Variants in SENP6 observed in about 807,000 individuals in gnomAD.
SENP6 encodes the protein SUMO specific peptidase 6.
In SENP6, 41 loss-of-function variants were observed where a neutral mutation model predicts 134.5. The ratio of observed to expected loss-of-function variants is 0.30; its 90% CI spans 0.24 to 0.40. The LOEUF is 0.40. Among genes scored for constraint, SENP6 ranks in the 10% least tolerant of loss-of-function variants. The probability of loss-of-function intolerance (pLI) is 1.00; values close to 1 mark genes in which losing one functional copy is unlikely to be tolerated. For synonymous variants in SENP6, 395 were observed against 429.8 expected, an observed-to-expected ratio of 0.92 and a Z score of 1.00; for missense variants, 1,248 against 1,312.5, an observed-to-expected ratio of 0.95 and a Z score of 0.76.
At chr6:75,673,345 C>T (rs185757134) in intron 11 of SENP6, among the ~76,000 whole-genome samples, 24 of 108,508 alleles carry the variant, frequency 2.2e-4, no homozygotes, top group African/African-American at 6.5e-4. Flanking sequence ...TTTTTGAGAC[C>T]GAGTCTCACT....
intron 10 of SENP6, among the ~76,000 whole-genome samples, chr6:75,669,300 G>T (rs1284113545): frequency 6.6e-6 from 1 of 152,106 alleles, no homozygotes; most frequent in African/African-American, 2.4e-5. Context: ...AGGTTGCGGT[G>T]AGCTGAGATC....
At chr6:75,669,194 A>G (rs954022436) in intron 10 of SENP6, among the ~76,000 whole-genome samples, 1 of 152,096 alleles carries the variant, frequency 6.6e-6, no homozygotes, top group Non-Finnish European at 1.5e-5. Flanking sequence ...TACTAAAAAT[A>G]CAAAAAAATT....
intron 16 of SENP6, among the ~76,000 whole-genome samples, chr6:75,690,794 C>G (rs563249803): frequency 3.3e-5 from 5 of 151,666 alleles, no homozygotes; most frequent in Non-Finnish European, 2.9e-5. Flanking sequence ...CTCACGGGTT[C>G]ATGCCATTCT....
In SENP6 at chr6:75,672,418, AT is replaced by A. The variant is rs1322602491; in HGVS notation, c.1392+1699del. Among the ~76,000 whole-genome samples the A allele has an allele frequency of 2.6e-3, 396 of 152,348 alleles. 4 individuals carry two copies. Among genetic ancestry groups the A allele is most frequent in the African/African-American group, 9.1e-3 (380 of 41,564 alleles). Reference sequence around the variant, plus strand: ...AAACTTTGTAAATTTAGTTAAAAAAATAAAAGGCAGTATATGTAACATAAAA... The same window carrying A: ...AAACTTTGTAAATTTAGTTAAAAAAAAAAAGGCAGTATATGTAACATAAAA... On this transcript the variant is annotated intron_variant, in intron 11 of 23. Transcript: ENST00000447266.
Position 75,654,556 on chromosome 6 carries a change from T to C in SENP6, c.551-4706T>C, listed in dbSNP as rs6936005. ...TGAGAATGTGATAGATACATGACTT[T>C]AGTTTTATTTTACACTGAAAATCAG... On this transcript the variant is annotated intron_variant, in intron 7 of 23. Transcript: ENST00000447266. 7.2e-3 allele frequency among the ~76,000 whole-genome samples: 1,103 copies of C among 152,358 alleles called. 9 individuals carry two copies. The highest frequency in any genetic ancestry group is 0.025 in the African/African-American group (1,060 of 41,594).
At chr6:75,648,693 G>A (rs973455517) in intron 7 of SENP6, among the ~76,000 whole-genome samples, 2 of 152,118 alleles carry the variant, frequency 1.3e-5, no homozygotes, top group Non-Finnish European at 2.9e-5. Flanking sequence ...ATTAAGTTTA[G>A]TAATAGTGAC....
intron 3 of SENP6, among the ~76,000 whole-genome samples, chr6:75,631,809 G>A (rs1192186648): frequency 1.3e-5 from 2 of 152,162 alleles, no homozygotes; most frequent in East Asian, 3.8e-4. Context: ...CTGTATCAGT[G>A]TTTATTTTGT....
chr6:75,653,147 C>T (rs1415595599), intron 7 of SENP6, among the ~76,000 whole-genome samples: 4 of 152,202 alleles, frequency 2.6e-5, no homozygotes, highest in Non-Finnish European at 5.9e-5. Context: ...TTTCCTGCCT[C>T]ACCCTCCCGA....
chr6:75,678,523 C>A, intron 14 of SENP6, 60 bp from the exon 15 acceptor site: 1 of 824,486 alleles, frequency 1.2e-6, no homozygotes. Flanking sequence ...TTGTGCTTAC[C>A]CTTTTTATTG....
In SENP6 at chr6:75,717,233, T is replaced by C. The variant is rs1023297306; in HGVS notation, c.*1639T>C. 3 of 152,086 alleles carry C rather than the reference T, an allele frequency of 2.0e-5. No individual in the cohort carries two copies. The highest frequency in any genetic ancestry group is 4.4e-5 in the Non-Finnish European group (3 of 67,928). 9.4% of individuals were successfully genotyped at this position (152,086 alleles called of 1,614,324 possible). ...TGGGATAAAAAATTGAAGTTGTTTTTTTTAAAACCTAATAGCAATAAGCAA... is the reference window on the plus strand; with the variant it reads ...TGGGATAAAAAATTGAAGTTGTTTTCTTTAAAACCTAATAGCAATAAGCAA... On this transcript the variant is annotated 3_prime_UTR_variant, in exon 24 of 24. Coordinates refer to ENST00000447266, the MANE Select transcript of SENP6 (RefSeq NM_015571.4).
chr6:75,688,541 C>A (rs375413449), intron 16 of SENP6, among the ~76,000 whole-genome samples: 24 of 152,124 alleles, frequency 1.6e-4, no homozygotes, highest in African/African-American at 5.5e-4. Context: ...GCCACCCCAC[C>A]CCCCCGTCCA....
At chr6:75,650,271 AC>A (rs1242116773) in intron 7 of SENP6, among the ~76,000 whole-genome samples, 4 of 152,180 alleles carry the variant, frequency 2.6e-5, no homozygotes, top group Non-Finnish European at 5.9e-5. Flanking sequence ...GGTAGTGTTA[AC>A]CATGATCATT....
chr6:75,634,043 C>G (rs1769316562), intron 4 of SENP6, among the ~76,000 whole-genome samples: 1 of 152,148 alleles, frequency 6.6e-6, no homozygotes, highest in South Asian at 2.1e-4. Flanking sequence ...GTGGTCATGT[C>G]TCCTTTAGGA....
At chr6:75,629,642 A>C (rs1768960040) in intron 3 of SENP6, among the ~76,000 whole-genome samples, 1 of 152,212 alleles carries the variant, frequency 6.6e-6, no homozygotes, top group South Asian at 2.1e-4. Flanking sequence ...TAAAGCTACC[A>C]TGCTTGATAA....
chr6:75,660,319 T>C (rs1771674639), intron 8 of SENP6, among the ~76,000 whole-genome samples: 1 of 152,376 alleles, frequency 6.6e-6, no homozygotes, highest in South Asian at 2.1e-4. Flanking sequence ...TTCACTGCAA[T>C]GTCAGTTAAT....
chr6:75,647,562 A>T, intron 6 of SENP6, 169 bp from the exon 7 acceptor site: 1 of 377,440 alleles, frequency 2.6e-6, no homozygotes. Flanking sequence ...AATTTTACAA[A>T]TTGAGTTTCA....
intron 21 of SENP6, 22 bp downstream of exon 21, chr6:75,711,438 T>C (rs1441921719): frequency 8.8e-6 from 13 of 1,478,666 alleles, no homozygotes; most frequent in Non-Finnish European, 9.3e-6. Context: ...CTGTGTATCT[T>C]GAAAACTACA....
chr6:75,705,166 G>C lies in SENP6; in HGVS notation c.2716+2094G>C, dbSNP rs956102629. Among the ~76,000 whole-genome samples, 4 of 152,216 alleles carry C rather than the reference G, an allele frequency of 2.6e-5. No homozygotes were observed. In the South Asian group the frequency reaches 8.3e-4, roughly 32 times the overall value. ...GTTTTCAGTGGGAAGAGGAGCACTG[G>C]TCCAATCTTTGTTTGTTTAAATCTC... On this transcript the variant is annotated intron_variant, in intron 19 of 23. Transcript: ENST00000447266.
chr6:75,675,762 G>A (rs754999810), intron 12 of SENP6, 98 bp from the exon 13 acceptor site: 2 of 1,079,364 alleles, frequency 1.9e-6, no homozygotes, highest in South Asian at 2.9e-5. Flanking sequence ...ATAAATATGT[G>A]CTTACATTTA....
Sources: gnomAD v4.1 joint callset for allele counts (sites outside exome capture counted in the v4.1 genomes callset) on GRCh38, gnomAD v4.1.1 for gene constraint, MANE v1.5 for transcripts, NCBI Gene and HGNC (gene_info 2026-07-23, HGNC 2026-07-21) for gene names.